Variants in TG observed in about 807,000 individuals in gnomAD.
TG encodes the protein thyroid hormones.
TG carries 270 observed loss-of-function variants against 324.7 expected under a neutral mutation model. That is an observed-to-expected ratio of 0.83 (90% confidence interval 0.75 to 0.92). The LOEUF is 0.92. Ranked by LOEUF, TG falls within the 40% of genes least tolerant of loss-of-function variation. The pLI, the probability that TG is intolerant of heterozygous loss-of-function variation, is 0.00. For missense variants in TG, 3,591 were observed against 3,456.4 expected (o/e 1.04, Z -0.98); for synonymous variants, 1,401 against 1,327.0 (o/e 1.06, Z -1.21).
intron 10 of TG, 50 bp from the exon 11 acceptor site, chr8:132,893,640 G>A (rs779637618): frequency 1.2e-6 from 2 of 1,612,614 alleles, no homozygotes; most frequent in South Asian, 1.1e-5. Flanking sequence ...GGAGTCAGAG[G>A]GAAGTCCACG....
chr8:132,993,411 T>C (rs575521326), intron 35 of TG, among the ~76,000 whole-genome samples: 1 of 152,308 alleles, frequency 6.6e-6, no homozygotes, highest in East Asian at 1.9e-4. Context: ...TGCATTTCAA[T>C]TGTCTCACCT....
At chr8:133,128,344 C>CACAT (rs1851691617) in intron 45 of TG, among the ~76,000 whole-genome samples, 2 of 80,326 alleles carry the variant, frequency 2.5e-5, no homozygotes, top group Non-Finnish European at 4.9e-5. Context: ...CGTGCACACA[C>CACAT]ACACACACAC....
At chr8:133,020,156 G>C (rs1180810434) in intron 39 of TG, among the ~76,000 whole-genome samples, 1 of 152,306 alleles carries the variant, frequency 6.6e-6, no homozygotes, top group East Asian at 1.9e-4. Context: ...TATTCAGATG[G>C]GCAGAGTGGA....
In TG at chr8:132,886,882, C is replaced by T; in HGVS notation, c.1510C>T (p.Leu504Phe). 3.1e-6 allele frequency: 5 copies of T among 1,614,188 alleles called. No individual in the cohort carries two copies. The highest frequency in any genetic ancestry group is 3.4e-6 in the Non-Finnish European group (4 of 1,180,040). ...TFNFSQFFQQ[L>F]GLASFLNGGR... ...TAACTTCAGTCAATTTTTCCAGCAA[C>T]TTGGTCTTGCAAGCTTCTTGAATGG... The change falls in exon 9 of 48, where the codon CTT becomes TTT. Residue 504 changes from leucine to phenylalanine, a missense_variant. Transcript: ENST00000220616.
At chr8:132,920,483 G>T (rs1820950105) in intron 21 of TG, among the ~76,000 whole-genome samples, 1 of 152,226 alleles carries the variant, frequency 6.6e-6, no homozygotes, top group Non-Finnish European at 1.5e-5. Context: ...TTTATAGGCT[G>T]AGAGTCTGGC....
chr8:132,869,620 A>G (rs1839288100), intron 2 of TG, 109 bp from the exon 3 acceptor site: 4 of 1,015,318 alleles, frequency 3.9e-6, no homozygotes, highest in Non-Finnish European at 4.6e-6. Flanking sequence ...ATTTAAACGA[A>G]CCAAAACTTG....
intron 18 of TG, among the ~76,000 whole-genome samples, chr8:132,910,082 A>G (rs2132363061): frequency 6.6e-6 from 1 of 152,340 alleles, no homozygotes; most frequent in Middle Eastern, 3.4e-3. Context: ...GGCACACAGT[A>G]GGATCTCATT....
In TG at chr8:132,967,911, A is replaced by G. The variant is rs768751908; in HGVS notation, c.5804A>G (p.Asn1935Ser). 8.1e-6 allele frequency: 13 copies of G among 1,614,006 alleles called. No homozygotes were observed. The highest frequency in any genetic ancestry group is 5.5e-5 in the South Asian group (5 of 91,074). Residue 1935 changes from asparagine to serine, a missense_variant, in exon 31 of 48, where the codon AAT (asparagine) becomes AGT (serine). By Grantham distance (46) the Asn-to-Ser change is conservative (BLOSUM62 1). Coordinates refer to ENST00000220616, the MANE Select transcript of TG (RefSeq NM_003235.5). Reference protein sequence around the residue: ...AQVCDDIMESNAQGCRLILPQ... With the variant: ...AQVCDDIMESSAQGCRLILPQ... ...GTGTGTGATGACATCATGGAGTCCA[A>G]TGCCCAGGGCTGCAGACTGATCCTG...
At chr8:132,987,708 CGTGTGTGTGTGTG>C (rs1418410319) in intron 35 of TG, among the ~76,000 whole-genome samples, 1 of 126,916 alleles carries the variant, frequency 7.9e-6, no homozygotes, top group African/African-American at 3.3e-5. Context: ...GTCTTTTATA[CGTGTGTGTGTGTG>C]GTGTGTGTGT....
At chr8:133,049,987 C>T in intron 41 of TG, 1 of 1,607,648 alleles carries the variant, frequency 6.2e-7, no homozygotes, top group Non-Finnish European at 8.5e-7. Context: ...CAGCCCCCTT[C>T]ACTGTAAGAA....
At chr8:132,900,393 G>A (rs1039519826) in intron 15 of TG, 54 bp downstream of exon 15, 1 of 1,524,532 alleles carries the variant, frequency 6.6e-7, no homozygotes, top group Non-Finnish European at 9.0e-7. Flanking sequence ...GGGGCACTGA[G>A]CGTGGAGTCC....
intron 41 of TG, chr8:133,038,829 G>A: frequency 1.3e-6 from 1 of 778,452 alleles, no homozygotes; most frequent in Non-Finnish European, 2.1e-6. Context: ...GAGAACAGGA[G>A]GAAAAGAAAA....
chr8:133,082,845 C>T (rs906569844), intron 41 of TG, among the ~76,000 whole-genome samples: 2 of 152,140 alleles, frequency 1.3e-5, no homozygotes, highest in Non-Finnish European at 2.9e-5. Flanking sequence ...TGATAAGATT[C>T]TGTTATTGTT....
At chr8:133,074,143 C>T (rs1844506609) in intron 41 of TG, among the ~76,000 whole-genome samples, 1 of 152,196 alleles carries the variant, frequency 6.6e-6, no homozygotes, top group African/African-American at 2.4e-5. Flanking sequence ...TCTCTTCCAA[C>T]TCTAACATGC....
chr8:132,920,703 A>G (rs77187827), intron 21 of TG, among the ~76,000 whole-genome samples: 2,606 of 152,298 alleles, frequency 0.017, 38 homozygotes, highest in Non-Finnish European at 0.026. Context: ...AAATGGCAGG[A>G]ATAGAGGACA....
intron 37 of TG, 105 bp from the exon 38 acceptor site, chr8:133,017,673 A>ACC (rs1835163250): frequency 8.9e-7 from 1 of 1,123,882 alleles, no homozygotes; most frequent in African/African-American, 1.5e-5. Flanking sequence ...AGGTGCAAAA[A>ACC]CCGTGATTTT....
intron 35 of TG, chr8:132,995,225 A>T: frequency 1.0e-6 from 1 of 956,958 alleles, no homozygotes; most frequent in Non-Finnish European, 1.2e-6. Flanking sequence ...AGAATTCACC[A>T]TGTTACCTAT....
At chr8:133,086,401 G>T (rs1265106353) in intron 41 of TG, among the ~76,000 whole-genome samples, 1 of 152,054 alleles carries the variant, frequency 6.6e-6, no homozygotes, top group Non-Finnish European at 1.5e-5. Context: ...TAGATACCAA[G>T]AATCATAGTT....
intron 11 of TG, among the ~76,000 whole-genome samples, chr8:132,897,231 T>C (rs1372001825): frequency 6.6e-6 from 1 of 152,240 alleles, no homozygotes. Flanking sequence ...TTCTCATCCA[T>C]TAAATGGGAT....
Sources: allele counts gnomAD v4.1 joint callset (sites outside exome capture counted in the v4.1 genomes callset), GRCh38; gene constraint gnomAD v4.1.1; transcripts MANE v1.5; gene names NCBI Gene and HGNC (gene_info 2026-07-23, HGNC 2026-07-21).